Variants in LOXHD1 observed in about 807,000 individuals in gnomAD.
LOXHD1 encodes the protein lipoxygenase homology domain-containing protein 1.
In LOXHD1, 205 loss-of-function variants were observed where a neutral mutation model predicts 248.2. The ratio of observed to expected loss-of-function variants is 0.83; its 90% CI spans 0.74 to 0.93. The LOEUF is 0.93. Ranked by LOEUF, LOXHD1 falls within the 40% of genes least tolerant of loss-of-function variation. LOXHD1 has a pLI of 0.00. For synonymous variants in LOXHD1, 1,113 were observed against 1,162.8 expected (o/e 0.96, Z 0.87); for missense variants, 2,930 against 2,971.6 (o/e 0.99, Z 0.33).
chr18:46,593,857 G>T, intron 9 of LOXHD1, 97 bp from the exon 10 acceptor site: 1 of 1,312,664 alleles, frequency 7.6e-7, no homozygotes, highest in Non-Finnish European at 1.1e-6. Flanking sequence ...GATCAGGACT[G>T]AAGGGCGGGG....
chr18:46,561,562 TC>T (rs1337796238), intron 18 of LOXHD1, among the ~76,000 whole-genome samples: 2 of 152,330 alleles, frequency 1.3e-5, no homozygotes, highest in African/African-American at 2.4e-5. Context: ...TCAAAGCCTG[TC>T]CCACCAGTTC....
intron 13 of LOXHD1, 127 bp from the exon 14 acceptor site, chr18:46,577,994 A>G (rs373380526): frequency 2.1e-5 from 19 of 919,714 alleles, no homozygotes; most frequent in African/African-American, 3.3e-5. Context: ...TCTTTCACAC[A>G]TGGGACAGGA....
At chr18:46,479,101 T>C (rs1430142333) in intron 40 of LOXHD1, among the ~76,000 whole-genome samples, 2 of 152,138 alleles carry the variant, frequency 1.3e-5, no homozygotes, top group Non-Finnish European at 2.9e-5. Context: ...TACCTGGTGT[T>C]GTCACCTTTA....
chr18:46,615,081 T>C (rs1200502487), intron 5 of LOXHD1, among the ~76,000 whole-genome samples: 1 of 152,210 alleles, frequency 6.6e-6, no homozygotes, highest in Non-Finnish European at 1.5e-5. Flanking sequence ...CTACATCATA[T>C]AGTGGCAATC....
intron 17 of LOXHD1, 70 bp from the exon 18 acceptor site, chr18:46,563,295 A>G: frequency 7.2e-7 from 1 of 1,388,740 alleles, no homozygotes. Flanking sequence ...GTAACAAAAC[A>G]AACCTTTCCT....
chr18:46,492,198 C>G (rs1173412142), intron 37 of LOXHD1, among the ~76,000 whole-genome samples: 1 of 152,166 alleles, frequency 6.6e-6, no homozygotes, highest in Non-Finnish European at 1.5e-5. Flanking sequence ...ATAGTAGACT[C>G]ACAGGTACAG....
chr18:46,640,447 C>T (rs1395589218), intron 3 of LOXHD1, among the ~76,000 whole-genome samples: 2 of 152,180 alleles, frequency 1.3e-5, no homozygotes, highest in African/African-American at 4.8e-5. Context: ...CCATCTAGAC[C>T]AGGGTGGTCC....
chr18:46,562,785 T>C (rs2037556336), intron 18 of LOXHD1, among the ~76,000 whole-genome samples: 1 of 152,232 alleles, frequency 6.6e-6, no homozygotes, highest in Non-Finnish European at 1.5e-5. Context: ...CCAGAGGTTC[T>C]GATTTGCCTG....
Position 46,557,457 on chromosome 18 carries a change from C to G in LOXHD1, c.3249G>C (p.Leu1083=), listed in dbSNP as rs1568181927. ...TDTFTIYAID[L]GALTKIRIRH... ...GAATCCGAATCTTGGTCAGGGCCCC[C>G]AGGTCAATGGCATAGATGGTGAAGG... The change falls in exon 21 of 41, where the codon CTG becomes CTC. Residue 1083 remains leucine (L), a synonymous_variant. Transcript: ENST00000642948. 2 of 1,551,932 alleles carry G rather than the reference C, an allele frequency of 1.3e-6. No individual in the cohort carries two copies. Among genetic ancestry groups the G allele is most frequent in the Non-Finnish European group, 1.7e-6 (2 of 1,147,086 alleles).
rs1831543914 is a variant in LOXHD1, at chr18:46,507,407, G to A, written c.5692+131C>T. ...CAGACAGAAAGCGACACACTGTGGAGAAAACTTGGATTGACTAGATTTTGG... is the reference window on the plus strand; with the variant it reads ...CAGACAGAAAGCGACACACTGTGGAAAAAACTTGGATTGACTAGATTTTGG... On this transcript the variant is annotated intron_variant, in intron 36 of 40. Transcript: ENST00000642948. The A allele has an allele frequency of 3.5e-5, 34 of 980,930 alleles. No homozygotes were observed. In the South Asian group the frequency reaches 5.3e-4, roughly 15 times the overall value. 60.8% of individuals were successfully genotyped at this position (980,930 alleles called of 1,614,324 possible).
chr18:46,572,065 C>A lies in LOXHD1; in HGVS notation c.2047+21G>T, dbSNP rs116877421. On this transcript the variant is annotated intron_variant, in intron 15 of 40. Transcript: ENST00000642948. The stretch of plus-strand genomic sequence containing the variant: ...GTCTCACCAAGGGCACACCCAGCAC[C>A]TGGTCATCAGGACAACTCACTCTTC... 1,719 of 1,549,818 alleles carry A rather than the reference C, an allele frequency of 1.1e-3. 22 individuals are homozygous for A. The East Asian group carries it at 0.025, about 22-fold the overall frequency.
At chr18:46,536,801 C>T (rs142776489) in intron 26 of LOXHD1, among the ~76,000 whole-genome samples, 66 of 152,312 alleles carry the variant, frequency 4.3e-4, no homozygotes, top group African/African-American at 7.5e-4. Flanking sequence ...AGGCATCCCC[C>T]GGGATAGAGA....
intron 38 of LOXHD1, among the ~76,000 whole-genome samples, chr18:46,487,331 T>C (rs1598822143): frequency 1.3e-5 from 2 of 152,162 alleles, no homozygotes; most frequent in East Asian, 1.9e-4. Context: ...GTGATACAGG[T>C]TGTACCAAGA....
intron 12 of LOXHD1, among the ~76,000 whole-genome samples, chr18:46,585,187 T>A (rs1032971225): frequency 3.9e-5 from 6 of 152,126 alleles, no homozygotes; most frequent in Admixed American, 3.3e-4. Context: ...TTCAATGTGG[T>A]GCTGGAGATT....
chr18:46,649,635 C>T (rs1008758897), intron 1 of LOXHD1, among the ~76,000 whole-genome samples: 1 of 152,116 alleles, frequency 6.6e-6, no homozygotes, highest in Admixed American at 6.5e-5. Flanking sequence ...GCACCCAGCT[C>T]CCAGCTTCCT....
intron 6 of LOXHD1, among the ~76,000 whole-genome samples, chr18:46,607,490 G>GAT (rs139993408): frequency 1.3e-4 from 20 of 150,002 alleles, no homozygotes; most frequent in African/African-American, 1.7e-4. Context: ...GGTGATAAGT[G>GAT]ATATATATAT....
At chr18:46,539,287 CCT>C (rs1245202834) in intron 25 of LOXHD1, among the ~76,000 whole-genome samples, 1 of 152,104 alleles carries the variant, frequency 6.6e-6, no homozygotes, top group Non-Finnish European at 1.5e-5. Context: ...ATGGCAAAAC[CCT>C]GTTTCTACTA....
intron 1 of LOXHD1, among the ~76,000 whole-genome samples, chr18:46,654,962 C>T (rs2039161054): frequency 6.6e-6 from 1 of 152,182 alleles, no homozygotes; most frequent in African/African-American, 2.4e-5. Flanking sequence ...CCTAACTCTG[C>T]TATTTGCTAG....
intron 12 of LOXHD1, among the ~76,000 whole-genome samples, chr18:46,586,926 T>C (rs757669894): frequency 1.3e-5 from 2 of 152,220 alleles, no homozygotes; most frequent in African/African-American, 4.8e-5. Context: ...AATTTGACCA[T>C]GAAACATATG....
Sources: allele counts gnomAD v4.1 joint callset (sites outside exome capture counted in the v4.1 genomes callset), GRCh38; gene constraint gnomAD v4.1.1; transcripts MANE v1.5; gene names NCBI Gene and HGNC (gene_info 2026-07-23, HGNC 2026-07-21).